The following FBRSL1 variants were observed in gnomAD, a reference collection of about 807,000 sequenced individuals.
The protein encoded by FBRSL1 is fibrosin-1-like protein.
A neutral mutation model predicts 89.6 loss-of-function variants in FBRSL1; 51 were observed. That is an observed-to-expected ratio of 0.57 (90% CI 0.45 to 0.72). The LOEUF (loss-of-function observed/expected upper bound fraction) is 0.72. Ranked by LOEUF, FBRSL1 falls within the 30% of genes least tolerant of loss-of-function variation. FBRSL1 has a pLI of 0.00. For synonymous variants in FBRSL1, 779 were observed against 681.1 expected (o/e 1.14, Z -2.24); for missense variants, 1,618 against 1,451.8 (o/e 1.11, Z -1.86).
At chr12:132,533,591 A>G (rs1009301388) in intron 4 of FBRSL1, among the ~76,000 whole-genome samples, 1 of 152,264 alleles carries the variant, frequency 6.6e-6, no homozygotes, top group African/African-American at 2.4e-5. Context: ...CATGGTGGGC[A>G]CAGCCCGCAC....
chr12:132,508,383 C>A, intron 2 of FBRSL1, 33 bp downstream of exon 2: 2 of 1,466,724 alleles, frequency 1.4e-6, no homozygotes, highest in Non-Finnish European at 1.8e-6. Flanking sequence ...GGAAGCTCTG[C>A]GGCGGGTCAG....
rs145907082 is a variant in FBRSL1, at chr12:132,522,673, G to A, written c.490-3061G>A. Among the ~76,000 whole-genome samples the A allele has an allele frequency of 2.9e-3, 438 of 152,242 alleles. 4 individuals are homozygous for A. Among genetic ancestry groups the A allele is most frequent in the African/African-American group, 9.9e-3 (410 of 41,526 alleles). ...TCCTCCTGCCCTGCTCCTGCTGCAC[G>A]CCCCACCTGCTGACATAACTGGACA... On this transcript the variant is annotated intron_variant, in intron 2 of 18. Coordinates refer to ENST00000680143, the MANE Select transcript of FBRSL1 (RefSeq NM_001367871.1).
intron 15 of FBRSL1, among the ~76,000 whole-genome samples, chr12:132,579,744 G>A (rs532901907): frequency 1.1e-4 from 16 of 152,262 alleles, no homozygotes; most frequent in South Asian, 2.1e-4. Flanking sequence ...GCTCTTTGCC[G>A]TCTTCAGTGA....
intron 4 of FBRSL1, among the ~76,000 whole-genome samples, chr12:132,544,646 G>C (rs190095394): frequency 6.6e-6 from 1 of 152,142 alleles, no homozygotes; most frequent in Non-Finnish European, 1.5e-5. Flanking sequence ...GGATGGTGAC[G>C]TGAGGACGGC....
intron 4 of FBRSL1, among the ~76,000 whole-genome samples, chr12:132,537,566 A>T (rs1482772546): frequency 1.3e-5 from 2 of 152,222 alleles, no homozygotes; most frequent in Non-Finnish European, 2.9e-5. Flanking sequence ...CCCAAGGCTC[A>T]GGTGGTGCTA....
chr12:132,578,341 T>TCACACACACACACACA lies in FBRSL1; in HGVS notation c.1834+1411_1834+1412insACACACACACACACAC, dbSNP rs547551851. Among the ~76,000 whole-genome samples, 20 of 28,660 alleles carry TCACACACACACACACA rather than the reference T, an allele frequency of 7.0e-4. No individual in the cohort carries two copies. The East Asian group carries it at 0.017, about 25-fold the overall frequency. The allele number at this position is 28,660 out of a possible 152,430, so 18.8% of individuals were successfully genotyped here. Reference sequence around the variant, plus strand: ...GCCTGGGCAACAGAGCAAGACCCTGTCTCACACACACACACACACACACAC... The same window carrying TCACACACACACACACA: ...GCCTGGGCAACAGAGCAAGACCCTGTCACACACACACACACACTCACACACACACACACACACACAC... On this transcript the variant is annotated intron_variant, in intron 15 of 18. Transcript: ENST00000680143.
chr12:132,580,109 G>A (rs920665631), intron 15 of FBRSL1, among the ~76,000 whole-genome samples: 1 of 152,114 alleles, frequency 6.6e-6, no homozygotes, highest in African/African-American at 2.4e-5. Context: ...TTTATTTTGA[G>A]ACGAAGTCTT....
At chr12:132,495,429 T>A (rs1260951932) in intron 1 of FBRSL1, among the ~76,000 whole-genome samples, 3 of 152,172 alleles carry the variant, frequency 2.0e-5, no homozygotes, top group African/African-American at 7.2e-5. Flanking sequence ...AGGGGCACTG[T>A]GAGTCCATGC....
At position 132,570,006 on chromosome 12, in the gene FBRSL1, G is replaced by A. The variant is rs1354727796; in HGVS notation, c.772G>A (p.Ala258Thr). Residue 258 changes from alanine (A) to threonine (T), a missense_variant, in exon 7 of 19, where the codon GCC (alanine) becomes ACC (threonine). By Grantham distance (58) the Ala-to-Thr change is moderately conservative. Transcript: ENST00000680143. ...SGLERSRELS[A>T]ESFLPTASPA... ...CCTGGAGCGCAGCCGCGAGCTCAGC[G>A]CCGAGAGCTTCCTGCCCACTGCCAG... The A allele has an allele frequency of 2.6e-6, 4 of 1,511,004 alleles. No individual in the cohort carries two copies. In the East Asian group the frequency reaches 7.7e-5, roughly 29 times the overall value. The allele number at this position is 1,511,004 out of a possible 1,614,324, so 93.6% of individuals were successfully genotyped here.
At chr12:132,541,020 T>C (rs2037215248) in intron 4 of FBRSL1, among the ~76,000 whole-genome samples, 1 of 149,752 alleles carries the variant, frequency 6.7e-6, no homozygotes, top group African/African-American at 2.5e-5. Flanking sequence ...AAATCCACTG[T>C]GAGCCTGGGG....
In FBRSL1 at chr12:132,546,856, C is replaced by T. The variant is rs1243998544; in HGVS notation, c.616-1147C>T. On this transcript the variant is annotated intron_variant, in intron 4 of 18. Transcript: ENST00000680143. This position sits in a 1 kb window ranked among gnomAD's most constrained non-coding sequence, Gnocchi z 4.0. ...GTGTCTGCTAAAGCGCATTTCACACCGTACTGTGAGCTCCGTCGCTGAACA... is the reference window on the plus strand; with the variant it reads ...GTGTCTGCTAAAGCGCATTTCACACTGTACTGTGAGCTCCGTCGCTGAACA... Among the ~76,000 whole-genome samples, 2 of 152,214 alleles carry T rather than the reference C, an allele frequency of 1.3e-5. No homozygotes were observed. The highest frequency in any genetic ancestry group is 6.5e-5 in the Admixed American group (1 of 15,286).
chr12:132,520,828 G>A (rs1039544163), intron 2 of FBRSL1, among the ~76,000 whole-genome samples: 3 of 152,244 alleles, frequency 2.0e-5, no homozygotes, highest in Non-Finnish European at 4.4e-5. Flanking sequence ...AGCGAAGGCA[G>A]CGGAGAGAGG....
chr12:132,564,850 C>A (rs1052246456), intron 5 of FBRSL1, among the ~76,000 whole-genome samples: 11 of 151,400 alleles, frequency 7.3e-5, no homozygotes, highest in Admixed American at 2.6e-4. Context: ...AGGATGGTCT[C>A]GATCTGCTGA....
At chr12:132,566,493 C>T (rs1029241585) in intron 5 of FBRSL1, 12 of 110,842 alleles carry the variant, frequency 1.1e-4, no homozygotes, top group Admixed American at 3.9e-4. Flanking sequence ...TGGAAACTGC[C>T]GTGAAGTCCC....
intron 5 of FBRSL1, 45 bp from the exon 6 acceptor site, chr12:132,567,436 T>A: frequency 1.3e-6 from 2 of 1,543,400 alleles, no homozygotes; most frequent in South Asian, 2.4e-5. Flanking sequence ...TCCACGAGGA[T>A]GAGGACCACC....
chr12:132,511,808 C>G, intron 2 of FBRSL1: 2 of 985,264 alleles, frequency 2.0e-6, no homozygotes, highest in Non-Finnish European at 2.4e-6. Flanking sequence ...GGTGCAGCAT[C>G]TGCTTTGGCC....
rs1311572264 is a variant in FBRSL1 at position 132,583,883 on chromosome 12, C to T, written c.*105C>T. 1 of 546,348 alleles carries T rather than the reference C, an allele frequency of 1.8e-6. No individual in the cohort carries two copies. The highest frequency in any genetic ancestry group is 2.5e-6 in the Non-Finnish European group (1 of 398,772). The allele number at this position is 546,348 out of a possible 1,614,324, so 33.8% of individuals were successfully genotyped here. A position where few individuals can be genotyped will look rare whatever the true frequency, so the allele number is the denominator to read the frequency against. ...TCCCGCCGATCCTGGGGCGGCGCCG[C>T]CTCTCCACCCGCAGCCTGCGGAGGC... is the stretch of plus-strand genomic sequence containing the variant. On this transcript the variant is annotated 3_prime_UTR_variant, in exon 19 of 19. Coordinates refer to ENST00000680143, the MANE Select transcript of FBRSL1 (RefSeq NM_001367871.1).
rs182560130 is a variant in FBRSL1, at chr12:132,546,875, C to A, written c.616-1128C>A. On this transcript the variant is annotated intron_variant, in intron 4 of 18. Transcript: ENST00000680143. This position sits in a 1 kb window ranked among gnomAD's most constrained non-coding sequence, Gnocchi z 4.0. ...TCACACCGTACTGTGAGCTCCGTCGCTGAACACTCGGCAGCCGCGGCTGCA... is the reference window on the plus strand; with the variant it reads ...TCACACCGTACTGTGAGCTCCGTCGATGAACACTCGGCAGCCGCGGCTGCA... Among the ~76,000 whole-genome samples the A allele has an allele frequency of 1.3e-4, 20 of 152,356 alleles. 1 individual carries two copies. The highest frequency in any genetic ancestry group is 2.9e-5 in the Non-Finnish European group (2 of 68,036).
rs552934919 is a variant in FBRSL1 at position 132,547,053 on chromosome 12, A to C, written c.616-950A>C. 8.6e-4 allele frequency among the ~76,000 whole-genome samples: 131 copies of C among 152,344 alleles called. No individual in the cohort carries two copies. The South Asian group carries it at 0.027, about 31-fold the overall frequency. On this transcript the variant is annotated intron_variant, in intron 4 of 18. Coordinates refer to ENST00000680143, the MANE Select transcript of FBRSL1 (RefSeq NM_001367871.1). ...GTCATTCATTCGACGTGAATGCCTC[A>C]TAATTGCAGTTGCCAGGAGGGGATT... is the stretch of plus-strand genomic sequence containing the variant.
Sources: gnomAD v4.1 joint callset for allele counts (sites outside exome capture counted in the v4.1 genomes callset) on GRCh38, gnomAD v4.1.1 for gene constraint, Gnocchi (gnomAD v3.1) non-coding constraint, MANE v1.5 for transcripts, NCBI Gene and HGNC (gene_info 2026-07-23, HGNC 2026-07-21) for gene names.